The following CDK14 variants were observed in gnomAD, a reference collection of about 807,000 sequenced individuals.
CDK14 encodes the protein cyclin dependent kinase 14.
Under a neutral mutation model 60.7 loss-of-function variants are expected in CDK14, and 34 were observed. That is an observed-to-expected ratio of 0.56 (90% CI 0.43 to 0.75). The LOEUF (loss-of-function observed/expected upper bound fraction) is 0.75. Ranked by LOEUF, CDK14 falls within the 30% of genes least tolerant of loss-of-function variation. The pLI is 0.00. For synonymous variants in CDK14, 197 were observed against 203.7 expected, an observed-to-expected ratio of 0.97 and a Z score of 0.28; for missense variants, 482 against 564.1, an observed-to-expected ratio of 0.85 and a Z score of 1.47.
chr7:91,167,423 TAA>T (rs1449687084), intron 14 of CDK14, among the ~76,000 whole-genome samples: 12 of 152,234 alleles, frequency 7.9e-5, no homozygotes, highest in African/African-American at 2.9e-4. Context: ...CATGAGGCCA[TAA>T]GGTAGCTTTT....
At chr7:90,906,145 A>C (rs1294473571) in intron 7 of CDK14, among the ~76,000 whole-genome samples, 2 of 152,148 alleles carry the variant, frequency 1.3e-5, no homozygotes, top group Admixed American at 6.6e-5. Flanking sequence ...TTGTCACTTA[A>C]ATCTATGAAT....
At chr7:91,073,719 GAA>G (rs1205428850) in intron 11 of CDK14, among the ~76,000 whole-genome samples, 1 of 151,542 alleles carries the variant, frequency 6.6e-6, no homozygotes, top group East Asian at 1.9e-4. Flanking sequence ...ACTGGATAAA[GAA>G]TCAAAACCCA....
At chr7:90,890,084 T>A (rs1367526114) in intron 6 of CDK14, among the ~76,000 whole-genome samples, 9 of 152,210 alleles carry the variant, frequency 5.9e-5, no homozygotes, top group Non-Finnish European at 1.2e-4. Context: ...GAAAACGGAC[T>A]CCTCTAGGCC....
chr7:90,949,779 T>TC (rs1399499025), intron 8 of CDK14, among the ~76,000 whole-genome samples: 5 of 152,162 alleles, frequency 3.3e-5, no homozygotes, highest in African/African-American at 1.2e-4. Flanking sequence ...AAAACAAAGA[T>TC]GTTACATACA....
intron 9 of CDK14, among the ~76,000 whole-genome samples, chr7:90,979,962 T>A (rs1323181154): frequency 6.6e-6 from 1 of 152,178 alleles, no homozygotes; most frequent in African/African-American, 2.4e-5. Context: ...TATAGCCATT[T>A]TTTTAGTTAT....
At chr7:90,622,107 G>A (rs936778291) in intron 2 of CDK14, among the ~76,000 whole-genome samples, 1 of 152,220 alleles carries the variant, frequency 6.6e-6, no homozygotes, top group Admixed American at 6.5e-5. Context: ...ATTGAGAAAC[G>A]AAGTACAATG....
chr7:91,137,704 GTGTGTGTGTGTA>G (rs1187246422), intron 14 of CDK14, among the ~76,000 whole-genome samples: 28 of 146,860 alleles, frequency 1.9e-4, no homozygotes, highest in African/African-American at 6.9e-4. Flanking sequence ...GTGTGTGTGT[GTGTGTGTGTGTA>G]TGTGTGTGTG....
At chr7:90,934,236 G>A (rs1793685754) in intron 8 of CDK14, among the ~76,000 whole-genome samples, 1 of 152,266 alleles carries the variant, frequency 6.6e-6, no homozygotes, top group Non-Finnish European at 1.5e-5. Flanking sequence ...CGGGACTTAG[G>A]CCAGGACCAG....
In CDK14 at chr7:90,726,812, G is replaced by T; in HGVS notation, c.369G>T (p.Ser123=). The change falls in exon 3 of 15, where the codon TCG becomes TCT. Residue 123 remains serine, a splice_region_variant and synonymous_variant. Coordinates refer to ENST00000380050, the MANE Select transcript of CDK14 (RefSeq NM_001287135.2). ...PKVRRHSSPS[S]PTSPKFGKAD... Reference sequence around the variant, plus strand: ...TTAGGCGGCACTCCAGCCCCAGCTCGGTAAGTGCAGTCTTTTTGTTTATCA... The same window carrying T: ...TTAGGCGGCACTCCAGCCCCAGCTCTGTAAGTGCAGTCTTTTTGTTTATCA... 6.2e-7 allele frequency: 1 copy of T among 1,613,238 alleles called. No homozygotes were observed. Among genetic ancestry groups the T allele is most frequent in the Non-Finnish European group, 8.5e-7 (1 of 1,179,654 alleles).
At chr7:91,183,484 C>T (rs1802068548) in intron 14 of CDK14, among the ~76,000 whole-genome samples, 2 of 152,202 alleles carry the variant, frequency 1.3e-5, no homozygotes, top group South Asian at 4.1e-4. Flanking sequence ...TTGCTTTTAA[C>T]AGTCTCTTGA....
chr7:90,761,232 A>G (rs567171794), intron 4 of CDK14, among the ~76,000 whole-genome samples: 2 of 152,150 alleles, frequency 1.3e-5, no homozygotes, highest in Admixed American at 6.5e-5. Flanking sequence ...GATCATTTGG[A>G]CAGGAGACGC....
intron 9 of CDK14, among the ~76,000 whole-genome samples, chr7:90,983,313 A>G (rs1795281763): frequency 6.6e-6 from 1 of 152,208 alleles, no homozygotes; most frequent in African/African-American, 2.4e-5. Context: ...CTAGGTGCCC[A>G]TCAACAATGG....
chr7:91,206,944 T>C (rs1802919572), intron 14 of CDK14, among the ~76,000 whole-genome samples: 1 of 152,134 alleles, frequency 6.6e-6, no homozygotes, highest in Admixed American at 6.6e-5. Context: ...GTTAAATGAT[T>C]TTAAGAGAGG....
chr7:91,198,321 C>T lies in CDK14; in HGVS notation c.*29-8844C>T, dbSNP rs564223234. Reference sequence around the variant, plus strand: ...TATATTGAACTTGATAAGCGCAGCACTCAGAAAAGCAGTAAAAATTAAAAT... The same window carrying T: ...TATATTGAACTTGATAAGCGCAGCATTCAGAAAAGCAGTAAAAATTAAAAT... On this transcript the variant is annotated intron_variant, in intron 14 of 14. Coordinates refer to ENST00000380050, the MANE Select transcript of CDK14 (RefSeq NM_001287135.2). Among the ~76,000 whole-genome samples, 4 of 152,220 alleles carry T rather than the reference C, an allele frequency of 2.6e-5. No homozygotes were observed. The South Asian group carries it at 8.3e-4, about 32-fold the overall frequency.
intron 11 of CDK14, among the ~76,000 whole-genome samples, chr7:91,067,213 A>G (rs1798007780): frequency 6.6e-6 from 1 of 152,208 alleles, no homozygotes; most frequent in African/African-American, 2.4e-5. Context: ...GTGGCTAATT[A>G]TGTTTTTTCA....
intron 2 of CDK14, among the ~76,000 whole-genome samples, chr7:90,661,514 G>T (rs550147027): frequency 6.6e-6 from 1 of 152,190 alleles, no homozygotes; most frequent in Non-Finnish European, 1.5e-5. Flanking sequence ...CAGTGACTGG[G>T]TATGGTCTTT....
At chr7:90,772,203 C>T (rs2043647050) in intron 4 of CDK14, among the ~76,000 whole-genome samples, 1 of 152,218 alleles carries the variant, frequency 6.6e-6, no homozygotes, top group Non-Finnish European at 1.5e-5. Context: ...GAATTCCAGC[C>T]AGGTAGGTTC....
At chr7:90,803,037 T>C (rs1255012735) in intron 5 of CDK14, among the ~76,000 whole-genome samples, 1 of 152,156 alleles carries the variant, frequency 6.6e-6, no homozygotes, top group East Asian at 1.9e-4. Context: ...TTTAATACGC[T>C]GTTTGGAAGC....
intron 6 of CDK14, among the ~76,000 whole-genome samples, chr7:90,882,169 A>C (rs1414853235): frequency 6.6e-6 from 1 of 150,656 alleles, no homozygotes; most frequent in African/African-American, 2.4e-5. Context: ...AAGATCCATC[A>C]GTGTGCTGTA....
Sources: gnomAD v4.1 joint callset for allele counts (sites outside exome capture counted in the v4.1 genomes callset) on GRCh38, gnomAD v4.1.1 for gene constraint, MANE v1.5 for transcripts, NCBI Gene and HGNC (gene_info 2026-07-23, HGNC 2026-07-21) for gene names.